The following IQCH variants were observed in gnomAD, a reference collection of about 807,000 sequenced individuals.
The protein encoded by IQCH is IQ domain-containing protein H.
In IQCH, 98 loss-of-function variants were observed where a neutral mutation model predicts 117.0. That is an observed-to-expected ratio of 0.84 (90% CI 0.71 to 0.99). The LOEUF (loss-of-function observed/expected upper bound fraction) is 0.99. Among genes scored for constraint, IQCH ranks in the 50% least tolerant of loss-of-function variants. The probability of loss-of-function intolerance (pLI) is 0.00; values close to 1 mark genes in which losing one functional copy is unlikely to be tolerated. For missense variants in IQCH, 1,102 were observed against 1,243.8 expected (o/e 0.89, Z 1.72); for synonymous variants, 412 against 448.2 (o/e 0.92, Z 1.02).
At chr15:67,338,779 T>G (rs533344194) in intron 5 of IQCH, among the ~76,000 whole-genome samples, 1 of 152,122 alleles carries the variant, frequency 6.6e-6, no homozygotes, top group South Asian at 2.1e-4. Flanking sequence ...GGCAAATTGC[T>G]CTCTGATCTT....
intron 13 of IQCH, among the ~76,000 whole-genome samples, chr15:67,398,007 C>T (rs1255980936): frequency 1.3e-5 from 2 of 152,104 alleles, no homozygotes; most frequent in Non-Finnish European, 2.9e-5. Flanking sequence ...AAAGATAGCA[C>T]ATAATTCTTT....
chr15:67,353,070 C>T (rs977559901), intron 6 of IQCH, among the ~76,000 whole-genome samples: 4 of 151,432 alleles, frequency 2.6e-5, no homozygotes, highest in Non-Finnish European at 5.9e-5. Context: ...TGCTTGAACC[C>T]AGGAGGCAGA....
chr15:67,449,558 G>A (rs2082469861), intron 16 of IQCH, among the ~76,000 whole-genome samples: 2 of 152,060 alleles, frequency 1.3e-5, no homozygotes, highest in Non-Finnish European at 2.9e-5. Flanking sequence ...TATTTCTGAG[G>A]GTTCTGTTCT....
chr15:67,442,380 A>C (rs1018636754), intron 16 of IQCH, among the ~76,000 whole-genome samples: 24 of 152,046 alleles, frequency 1.6e-4, no homozygotes, highest in Non-Finnish European at 2.9e-5. Context: ...ATTGCACTCC[A>C]GCGTGGGCAA....
intron 16 of IQCH, among the ~76,000 whole-genome samples, chr15:67,450,778 G>A (rs1363963186): frequency 6.6e-6 from 1 of 152,138 alleles, no homozygotes; most frequent in Non-Finnish European, 1.5e-5. Flanking sequence ...CTATTGATTG[G>A]AATAGTTTCA....
Position 67,496,056 on chromosome 15 carries a change from C to T in IQCH, c.2970+1690C>T, listed in dbSNP as rs2083799001. 6.6e-6 allele frequency among the ~76,000 whole-genome samples: 1 copy of T among 152,206 alleles called. No homozygotes were observed. Among genetic ancestry groups the T allele is most frequent in the Non-Finnish European group, 1.5e-5 (1 of 68,028 alleles). Reference sequence around the variant, plus strand: ...TTGAGGCTGGGCACAATGGCTCATGCCTGTAATTCCAGCACTTTGAAAAGC... The same window carrying T: ...TTGAGGCTGGGCACAATGGCTCATGTCTGTAATTCCAGCACTTTGAAAAGC... On this transcript the variant is annotated intron_variant, in intron 20 of 20. Coordinates refer to ENST00000335894, the MANE Select transcript of IQCH (RefSeq NM_001031715.3). This position sits in a 1 kb window ranked among gnomAD's most constrained non-coding sequence, Gnocchi z 4.4.
rs532937950 is a variant in IQCH, at chr15:67,275,584, A to G, written c.270-3811A>G. Reference sequence around the variant, plus strand: ...TTTCAACATATATGAAAAAATTTAAATTATTATTTTTGGCCAAATGTGGTG... The same window carrying G: ...TTTCAACATATATGAAAAAATTTAAGTTATTATTTTTGGCCAAATGTGGTG... On this transcript the variant is annotated intron_variant, in intron 3 of 20. Coordinates refer to ENST00000335894, the MANE Select transcript of IQCH (RefSeq NM_001031715.3). Among the ~76,000 whole-genome samples the G allele has an allele frequency of 3.3e-5, 5 of 152,298 alleles. No individual in the cohort carries two copies. In the East Asian group the frequency reaches 9.7e-4, roughly 29 times the overall value.
intron 4 of IQCH, among the ~76,000 whole-genome samples, chr15:67,319,556 A>G (rs1045795774): frequency 6.6e-6 from 1 of 152,232 alleles, no homozygotes; most frequent in African/African-American, 2.4e-5. Flanking sequence ...AAAGTAGACC[A>G]GGTGAAACTG....
intron 4 of IQCH, among the ~76,000 whole-genome samples, chr15:67,328,032 C>G (rs1327821036): frequency 6.6e-6 from 1 of 152,212 alleles, no homozygotes; most frequent in South Asian, 2.1e-4. Context: ...AAATTACACA[C>G]ACATAAATCT....
In IQCH at chr15:67,475,930, C is replaced by T. The variant is rs577942376; in HGVS notation, c.2799+112C>T. ...AGATATTCTTTAAATACCGGTTTGACGTGTCTGTAGAGGAAGGCTGATTGC... is the reference window on the plus strand; with the variant it reads ...AGATATTCTTTAAATACCGGTTTGATGTGTCTGTAGAGGAAGGCTGATTGC... On this transcript the variant is annotated intron_variant, in intron 18 of 20. Coordinates refer to ENST00000335894, the MANE Select transcript of IQCH (RefSeq NM_001031715.3). The surrounding 1 kb of genome is among the most constrained non-coding windows in gnomAD (Gnocchi z 5.7). 2.6e-5 allele frequency: 25 copies of T among 945,584 alleles called. No homozygotes were observed. The highest frequency in any genetic ancestry group is 1.5e-4 in the African/African-American group (9 of 61,370). 58.6% of individuals were successfully genotyped at this position (945,584 alleles called of 1,614,324 possible).
intron 20 of IQCH, among the ~76,000 whole-genome samples, chr15:67,498,864 A>C (rs1489420360): frequency 6.6e-6 from 1 of 152,234 alleles, no homozygotes; most frequent in Admixed American, 6.5e-5. Context: ...AAAGGGAAAT[A>C]ATATTTGCAA....
intron 6 of IQCH, 104 bp downstream of exon 6, chr15:67,344,295 A>AGAT (rs1969294489): frequency 2.1e-6 from 2 of 955,946 alleles, no homozygotes; most frequent in African/African-American, 3.3e-5. Context: ...TAATAGGACA[A>AGAT]GATGAAAGTT....
At chr15:67,285,093 A>G (rs980621151) in intron 4 of IQCH, among the ~76,000 whole-genome samples, 8 of 152,268 alleles carry the variant, frequency 5.3e-5, no homozygotes, top group Middle Eastern at 3.4e-3. Context: ...AAGCATTCCT[A>G]TTTCTCTGCA....
intron 10 of IQCH, among the ~76,000 whole-genome samples, chr15:67,375,933 T>G (rs1473340956): frequency 6.6e-6 from 1 of 151,856 alleles, no homozygotes; most frequent in Non-Finnish European, 1.5e-5. Context: ...ATTATAGGCA[T>G]GTACCACCAT....
intron 4 of IQCH, among the ~76,000 whole-genome samples, chr15:67,314,192 A>T (rs1967736133): frequency 6.6e-6 from 1 of 152,176 alleles, no homozygotes; most frequent in South Asian, 2.1e-4. Flanking sequence ...CCAACATTAG[A>T]TAAAAGCAGG....
chr15:67,398,043 A>G (rs967297828), intron 13 of IQCH, among the ~76,000 whole-genome samples: 6 of 152,176 alleles, frequency 3.9e-5, no homozygotes, highest in Admixed American at 6.5e-5. Context: ...TTACAATACT[A>G]TTGATCCTTT....
At chr15:67,382,546 A>G (rs182103974) in intron 10 of IQCH, among the ~76,000 whole-genome samples, 52 of 152,356 alleles carry the variant, frequency 3.4e-4, no homozygotes, top group South Asian at 2.3e-3. Context: ...TAAAAGTGAG[A>G]AAAGAGGCCA....
intron 4 of IQCH, among the ~76,000 whole-genome samples, chr15:67,302,713 C>T (rs905734793): frequency 1.3e-5 from 2 of 152,008 alleles, no homozygotes; most frequent in African/African-American, 2.4e-5. Flanking sequence ...AAAAATTAGC[C>T]GGGTGTGGTA....
chr15:67,359,890 G>A lies in IQCH; in HGVS notation c.753+5G>A. On this transcript the variant is annotated splice_donor_5th_base_variant and intron_variant, in intron 8 of 20. Transcript: ENST00000335894. The surrounding 1 kb of genome is among the most constrained non-coding windows in gnomAD (Gnocchi z 4.5). Reference sequence around the variant, plus strand: ...AGAGGACATCATGATAGGAAGGTCTGTAATTTGTGTGACTAGTTGAAATTT... The same window carrying A: ...AGAGGACATCATGATAGGAAGGTCTATAATTTGTGTGACTAGTTGAAATTT... 1.2e-6 allele frequency: 2 copies of A among 1,611,304 alleles called. No homozygotes were observed. Among genetic ancestry groups the A allele is most frequent in the Middle Eastern group, 3.3e-4 (2 of 6,060 alleles).
Sources: allele counts gnomAD v4.1 joint callset (sites outside exome capture counted in the v4.1 genomes callset), GRCh38; gene constraint gnomAD v4.1.1; non-coding constraint Gnocchi (gnomAD v3.1); transcripts MANE v1.5; gene names NCBI Gene and HGNC (gene_info 2026-07-23, HGNC 2026-07-21).